Variants in USP8 observed in about 807,000 individuals in gnomAD.
USP8 encodes the protein ubiquitin specific peptidase 8, also known as ubiquitin carboxyl-terminal hydrolase 8.
In USP8, 27 loss-of-function variants were observed where a neutral mutation model predicts 130.0. That is an observed-to-expected ratio of 0.21 (90% CI 0.15 to 0.29). USP8 has a LOEUF of 0.29. Ranked by LOEUF, USP8 falls within the 10% of genes least tolerant of loss-of-function variation. USP8 has a pLI of 1.00. For synonymous variants in USP8, 392 were observed against 444.1 expected, an observed-to-expected ratio of 0.88 and a Z score of 1.48; for missense variants, 1,029 against 1,312.2, an observed-to-expected ratio of 0.78 and a Z score of 3.33.
chr15:50,493,979 A>ATAAT, intron 15 of USP8, 91 bp from the exon 16 acceptor site: 1 of 1,400,364 alleles, frequency 7.1e-7, no homozygotes, highest in East Asian at 2.3e-5. Flanking sequence ...CAGTATGTGA[A>ATAAT]TAATTTCATG....
In USP8 at chr15:50,439,985, G is replaced by A. The variant is rs570895901; in HGVS notation, c.104+808G>A. On this transcript the variant is annotated intron_variant, in intron 2 of 19. Transcript: ENST00000307179. Reference sequence around the variant, plus strand: ...GGCCTATAATCCCAGCTAGTGGGGGGCTGAGGGATCCCTGAGTCCAGGAAG... The same window carrying A: ...GGCCTATAATCCCAGCTAGTGGGGGACTGAGGGATCCCTGAGTCCAGGAAG... Among the ~76,000 whole-genome samples the A allele has an allele frequency of 2.6e-5, 4 of 152,208 alleles. No homozygotes were observed. The South Asian group carries it at 8.3e-4, about 32-fold the overall frequency.
At chr15:50,492,114 G>A (rs1026849589) in intron 14 of USP8, among the ~76,000 whole-genome samples, 13 of 152,118 alleles carry the variant, frequency 8.5e-5, no homozygotes, top group Admixed American at 3.3e-4. Flanking sequence ...TGCCCACCTC[G>A]GCCTCCCAAA....
In USP8 at chr15:50,462,328, T is replaced by G; in HGVS notation, c.541+6T>G. On this transcript the variant is annotated splice_donor_region_variant and intron_variant, in intron 6 of 19. Coordinates refer to ENST00000307179, the MANE Select transcript of USP8 (RefSeq NM_005154.5). Reference sequence around the variant, plus strand: ...ATGTGAGACCAAAGAGAAAGGTAAGTGTGTACAGAAGGAGGAAGTTGTTTT... The same window carrying G: ...ATGTGAGACCAAAGAGAAAGGTAAGGGTGTACAGAAGGAGGAAGTTGTTTT... 6.2e-7 allele frequency: 1 copy of G among 1,600,068 alleles called. No individual in the cohort carries two copies. Among genetic ancestry groups the G allele is most frequent in the South Asian group, 1.1e-5 (1 of 87,180 alleles).
Position 50,449,468 on chromosome 15 carries a change from T to C in USP8, c.318T>C (p.Ser106=). The change falls in exon 4 of 20, where the codon TCT becomes TCC. Residue 106 remains serine (S), a synonymous_variant. Transcript: ENST00000307179. ...CTGTCGAAGAAGCTGAAAGACTCTC[T>C]GAAAGCCTTAAATTAAGGTACAGAT... ...KKAVEEAERL[S]ESLKLRYEEA... The C allele has an allele frequency of 1.3e-6, 2 of 1,592,778 alleles. No homozygotes were observed. The highest frequency in any genetic ancestry group is 1.3e-5 in the African/African-American group (1 of 74,496).
intron 1 of USP8, among the ~76,000 whole-genome samples, chr15:50,433,591 GAA>G (rs2049995929): frequency 1.3e-5 from 2 of 152,242 alleles, no homozygotes; most frequent in African/African-American, 4.8e-5. Flanking sequence ...GGATGTCAGA[GAA>G]AGAACATTTT....
chr15:50,485,550 ATTTTTTTTTTTTTTTTTTTT>A (rs71424071), intron 12 of USP8, among the ~76,000 whole-genome samples: 3 of 27,930 alleles, frequency 1.1e-4, no homozygotes, highest in East Asian at 3.0e-3. Flanking sequence ...CAGTTTAGTG[ATTTTTTTTTTTTTTTTTTTT>A]TTTTTTTTTT....
At chr15:50,454,134 G>A (rs562440575) in intron 4 of USP8, among the ~76,000 whole-genome samples, 3 of 152,170 alleles carry the variant, frequency 2.0e-5, no homozygotes, top group South Asian at 2.1e-4. Flanking sequence ...AAAGTGCTGC[G>A]ATCACAGGCG....
intron 1 of USP8, among the ~76,000 whole-genome samples, chr15:50,427,217 T>C (rs1356433996): frequency 6.6e-6 from 1 of 152,208 alleles, no homozygotes; most frequent in Non-Finnish European, 1.5e-5. Flanking sequence ...ATTACAGGCG[T>C]GAGCCACCGC....
intron 8 of USP8, among the ~76,000 whole-genome samples, chr15:50,472,403 G>GGCTAACACAGTGAAACCCCATCTC (rs2051408643): frequency 6.7e-6 from 1 of 149,610 alleles, no homozygotes; most frequent in East Asian, 2.1e-4. Context: ...AGACCATCCT[G>GGCTAACACAGTGAAACCCCATCTC]GCTAACACAG....
rs748300775 is a variant in USP8, at chr15:50,481,626, T to C, written c.1364T>C (p.Leu455Pro). Residue 455 changes from leucine to proline, a missense_variant, in exon 11 of 20, where the codon CTC (leucine) becomes CCC (proline). Leu to Pro is a moderately conservative substitution (Grantham distance 98, BLOSUM62 -3). Transcript: ENST00000307179. The stretch of plus-strand genomic sequence containing the variant: ...AAGCCAGTAGTTTTTTCTCCAACTC[T>C]CATGTTAACAGATGAAGAAAAGGCT... ...STKPVVFSPT[L>P]MLTDEEKARI... The C allele has an allele frequency of 6.2e-7, 1 of 1,613,962 alleles. No homozygotes were observed. The highest frequency in any genetic ancestry group is 1.1e-5 in the South Asian group (1 of 91,060).
chr15:50,473,549 G>T (rs548575923), intron 8 of USP8, among the ~76,000 whole-genome samples: 25 of 151,546 alleles, frequency 1.6e-4, no homozygotes, highest in African/African-American at 6.1e-4. Flanking sequence ...ACCTAGACTT[G>T]AGTGCAGTGG....
intron 17 of USP8, among the ~76,000 whole-genome samples, chr15:50,496,639 A>G (rs2052423308): frequency 6.6e-6 from 1 of 152,172 alleles, no homozygotes; most frequent in South Asian, 2.1e-4. Context: ...TATGTTTTTA[A>G]AAAGTTTTAT....
At chr15:50,485,550 A>ATTTTTTTTTTTTTTTTTTTTTTTTTTTTT (rs71424071) in intron 12 of USP8, among the ~76,000 whole-genome samples, 2 of 27,942 alleles carry the variant, frequency 7.2e-5, no homozygotes, top group Non-Finnish European at 6.6e-5. Flanking sequence ...CAGTTTAGTG[A>ATTTTTTTTTTTTTTTTTTTTTTTTTTTTT]TTTTTTTTTT....
chr15:50,506,851 C>T lies in USP8; in HGVS notation c.*7763C>T, dbSNP rs1011557279. 4 of 149,784 alleles carry T rather than the reference C, an allele frequency of 2.7e-5. No individual in the cohort carries two copies. Among genetic ancestry groups the T allele is most frequent in the East Asian group, 2.0e-4 (1 of 5,082 alleles). 9.3% of individuals were successfully genotyped at this position (149,784 alleles called of 1,614,324 possible). On this transcript the variant is annotated 3_prime_UTR_variant, in exon 20 of 20. Transcript: ENST00000307179. The stretch of plus-strand genomic sequence containing the variant: ...CAGGCGCCTATAGTCCCAGCTACTC[C>T]GGAGGCTGAGGCAGGAGAATGGCAT...
intron 5 of USP8, among the ~76,000 whole-genome samples, chr15:50,461,245 GC>G (rs1410496864): frequency 3.3e-5 from 5 of 151,904 alleles, no homozygotes; most frequent in African/African-American, 4.8e-5. Flanking sequence ...GCCCACTTTG[GC>G]CTCCCACAGT....
intron 1 of USP8, among the ~76,000 whole-genome samples, chr15:50,438,398 A>G (rs1015945725): frequency 6.6e-6 from 1 of 152,234 alleles, no homozygotes; most frequent in African/African-American, 2.4e-5. Flanking sequence ...AGCCTGGCCA[A>G]TATGACGAAA....
intron 1 of USP8, among the ~76,000 whole-genome samples, chr15:50,432,145 A>C (rs1166162106): frequency 2.0e-5 from 3 of 152,204 alleles, no homozygotes; most frequent in Non-Finnish European, 4.4e-5. Context: ...TCACATGAAG[A>C]AACAAATTCC....
In USP8 at chr15:50,493,637, T is replaced by G. The variant is rs1219895195; in HGVS notation, c.2448-433T>G. 7.8e-6 allele frequency: 3 copies of G among 386,156 alleles called. No homozygotes were observed. In the Admixed American group the frequency reaches 1.0e-4, roughly 13 times the overall value. 23.9% of individuals were successfully genotyped at this position (386,156 alleles called of 1,614,324 possible). On this transcript the variant is annotated intron_variant, in intron 15 of 19. Transcript: ENST00000307179. ...ATACATGCCTATAGTCCCTGCTACT[T>G]GGGAGGCTAAGGTGGGAGGATCACC...
intron 1 of USP8, chr15:50,432,227 T>A (rs967390681): frequency 3.3e-5 from 5 of 152,252 alleles, no homozygotes; most frequent in African/African-American, 1.2e-4. Context: ...AGACCTCAGA[T>A]GTGCACCACT....
Sources: allele counts gnomAD v4.1 joint callset (sites outside exome capture counted in the v4.1 genomes callset), GRCh38; gene constraint gnomAD v4.1.1; transcripts MANE v1.5; gene names NCBI Gene and HGNC (gene_info 2026-07-23, HGNC 2026-07-21).